Variants in BLNK observed in about 807,000 individuals in gnomAD.
BLNK encodes the protein B cell linker.
A neutral mutation model predicts 73.5 loss-of-function variants in BLNK; 29 were observed. That is an observed-to-expected ratio of 0.39 (90% CI 0.29 to 0.54). BLNK has a LOEUF of 0.54. Ranked by LOEUF, BLNK falls within the 20% of genes least tolerant of loss-of-function variation. The pLI is 0.61. For missense variants in BLNK, 460 were observed against 562.8 expected, an observed-to-expected ratio of 0.82 and a Z score of 1.85; for synonymous variants, 176 against 200.8, an observed-to-expected ratio of 0.88 and a Z score of 1.04.
At chr10:96,255,228 C>T (rs1316962634) in intron 1 of BLNK, among the ~76,000 whole-genome samples, 1 of 152,192 alleles carries the variant, frequency 6.6e-6, no homozygotes, top group Admixed American at 6.5e-5. Flanking sequence ...ACAGCGAGCT[C>T]TTCCAGGGCC....
chr10:96,233,439 A>G (rs4918994), intron 3 of BLNK, among the ~76,000 whole-genome samples: 30,643 of 152,000 alleles, frequency 0.2, 3,973 homozygotes, highest in Middle Eastern at 0.29. Flanking sequence ...GTCATCAGTG[A>G]CTCCCTATGG....
rs782515286 is a variant in BLNK, at chr10:96,191,958, CT to C, written c.*14del. On this transcript the variant is annotated 3_prime_UTR_variant, in exon 17 of 17. Transcript: ENST00000224337. ...AAGTGTCTGAAGCAATGGTATTGAT[CT>C]TTTTTTTCCCCCTTTATGAAACTTT... 1.4e-4 allele frequency: 227 copies of C among 1,612,668 alleles called. 1 individual carries two copies. In the Middle Eastern group the frequency reaches 1.5e-3, roughly 11 times the overall value.
chr10:96,245,436 TTTATTAAAGTA>T (rs1843008355), intron 2 of BLNK, among the ~76,000 whole-genome samples: 1 of 152,214 alleles, frequency 6.6e-6, no homozygotes, highest in Non-Finnish European at 1.5e-5. Context: ...GCAATGAACA[TTTATTAAAGTA>T]TTATTCATGA....
At chr10:96,216,873 T>TACATA in intron 6 of BLNK, 139 bp from the exon 7 acceptor site, 1 of 774,916 alleles carries the variant, frequency 1.3e-6, no homozygotes, top group Non-Finnish European at 2.2e-6. Context: ...TTGTACAATT[T>TACATA]GGTGACTTTT....
rs2083295548 is a variant in BLNK, at chr10:96,189,441, A to G, written c.*2532T>C. 1.6e-6 allele frequency: 1 copy of G among 612,862 alleles called. No individual in the cohort carries two copies. The highest frequency in any genetic ancestry group is 1.8e-5 in the African/African-American group (1 of 55,184). 38.0% of individuals were successfully genotyped at this position (612,862 alleles called of 1,614,324 possible). ...GAAGCAATTCTTCACATAATTGATG[A>G]ACTTGGCTTCCACTTTGGGAAGAGA... On this transcript the variant is annotated 3_prime_UTR_variant, in exon 17 of 17. Coordinates refer to ENST00000224337, the MANE Select transcript of BLNK (RefSeq NM_013314.4).
intron 6 of BLNK, among the ~76,000 whole-genome samples, chr10:96,221,023 A>T (rs2084185675): frequency 6.6e-6 from 1 of 152,228 alleles, no homozygotes; most frequent in Admixed American, 6.5e-5. Context: ...ATTACCACTC[A>T]TATAAGCATT....
chr10:96,220,556 A>G (rs587606883), intron 6 of BLNK, among the ~76,000 whole-genome samples: 1 of 152,332 alleles, frequency 6.6e-6, no homozygotes, highest in South Asian at 2.1e-4. Flanking sequence ...ATGACCAAGA[A>G]CCATCACATT....
At chr10:96,263,798 TG>T (rs1843868509) in intron 1 of BLNK, among the ~76,000 whole-genome samples, 2 of 152,098 alleles carry the variant, frequency 1.3e-5, no homozygotes, top group South Asian at 4.1e-4. Context: ...TAACACACAG[TG>T]AAGAGGAGCA....
chr10:96,231,549 A>G (rs1842499910), intron 3 of BLNK, among the ~76,000 whole-genome samples: 1 of 152,038 alleles, frequency 6.6e-6, no homozygotes, highest in African/African-American at 2.4e-5. Flanking sequence ...CAACATGGCA[A>G]GGCCCCATCT....
At chr10:96,216,556 G>C in intron 7 of BLNK, 97 bp downstream of exon 7, 1 of 1,082,742 alleles carries the variant, frequency 9.2e-7, no homozygotes, top group Non-Finnish European at 1.4e-6. Flanking sequence ...CCTGGGCACT[G>C]TCATTTCTGA....
At chr10:96,204,270 T>A (rs1554896891) in intron 12 of BLNK, 182 bp from the exon 13 acceptor site, 1 of 770,182 alleles carries the variant, frequency 1.3e-6, no homozygotes, top group African/African-American at 1.8e-5. Flanking sequence ...GACTCTTCCT[T>A]TTAGTTTTGA....
intron 4 of BLNK, among the ~76,000 whole-genome samples, chr10:96,228,132 C>CT (rs1842352095): frequency 6.9e-6 from 1 of 144,706 alleles, no homozygotes; most frequent in Non-Finnish European, 1.5e-5. Context: ...TGGAGTCTCA[C>CT]TCTGTTGCCC....
chr10:96,216,552 C>G, intron 7 of BLNK, 101 bp downstream of exon 7: 1 of 1,014,760 alleles, frequency 9.9e-7, no homozygotes, highest in Non-Finnish European at 1.5e-6. Flanking sequence ...AAGTCCTGGG[C>G]ACTGTCATTT....
rs1290549533 is a variant in BLNK, at chr10:96,197,069, TA to T, written c.1096-7del. ...CGAATAAGAAATGATCCATCCTGTT[TA>T]ATTTTTTTTAAAAAACATAATTATG... On this transcript the variant is annotated splice_region_variant and splice_polypyrimidine_tract_variant and intron_variant, in intron 15 of 16. Transcript: ENST00000224337. 4 of 1,607,486 alleles carry T rather than the reference TA, an allele frequency of 2.5e-6. No individual in the cohort carries two copies. Among genetic ancestry groups the T allele is most frequent in the Non-Finnish European group, 2.5e-6 (3 of 1,177,078 alleles).
rs587618992 is a variant in BLNK at position 96,194,607 on chromosome 10, G to T, written c.1251+2301C>A. ...TTGCAAATCATTTATCTGATAAGGGGTTAATATCCAGAAACATAAAGAACT... is the reference window on the plus strand; with the variant it reads ...TTGCAAATCATTTATCTGATAAGGGTTTAATATCCAGAAACATAAAGAACT... On this transcript the variant is annotated intron_variant, in intron 16 of 16. Transcript: ENST00000224337. Among the ~76,000 whole-genome samples, 17 of 152,158 alleles carry T rather than the reference G, an allele frequency of 1.1e-4. No individual in the cohort carries two copies. The East Asian group carries it at 2.7e-3, about 24-fold the overall frequency.
Position 96,200,477 on chromosome 10 carries a change from T to C in BLNK, c.1012-319A>G, listed in dbSNP as rs922869581. Among the ~76,000 whole-genome samples the C allele has an allele frequency of 5.3e-5, 8 of 152,368 alleles. No homozygotes were observed. Among genetic ancestry groups the C allele is most frequent in the African/African-American group, 1.9e-4 (8 of 41,588 alleles). ...AGTGCTTTACAATTTCCAAAGCATT[T>C]TTACAAATATTATTTTATTTGATTC... On this transcript the variant is annotated intron_variant, in intron 14 of 16. Transcript: ENST00000224337. The surrounding 1 kb of genome is among the most constrained non-coding windows in gnomAD (Gnocchi z 4.3).
At chr10:96,218,262 G>A (rs2084113942) in intron 6 of BLNK, among the ~76,000 whole-genome samples, 1 of 152,150 alleles carries the variant, frequency 6.6e-6, no homozygotes, top group South Asian at 2.1e-4. Flanking sequence ...GTTCTTCTAA[G>A]TACTTTACAT....
Position 96,190,009 on chromosome 10 carries a change from G to A in BLNK, c.*1964C>T. ...TCAAAGGTGCCAGTGTTATTTAATTGGACTGCCTTCATAATTCATTGCCTC... is the reference window on the plus strand; with the variant it reads ...TCAAAGGTGCCAGTGTTATTTAATTAGACTGCCTTCATAATTCATTGCCTC... On this transcript the variant is annotated 3_prime_UTR_variant, in exon 17 of 17. Coordinates refer to ENST00000224337, the MANE Select transcript of BLNK (RefSeq NM_013314.4). 1 of 810,356 alleles carries A rather than the reference G, an allele frequency of 1.2e-6. No homozygotes were observed. The highest frequency in any genetic ancestry group is 2.2e-6 in the Non-Finnish European group (1 of 461,830). The allele number at this position is 810,356 out of a possible 1,614,324, so 50.2% of individuals were successfully genotyped here.
chr10:96,216,410 T>C, intron 7 of BLNK: 1 of 551,312 alleles, frequency 1.8e-6, no homozygotes. Flanking sequence ...GCTTTCATAA[T>C]GTGAGATGGG....
Sources: gnomAD v4.1 joint callset for allele counts (sites outside exome capture counted in the v4.1 genomes callset) on GRCh38, gnomAD v4.1.1 for gene constraint, Gnocchi (gnomAD v3.1) non-coding constraint, MANE v1.5 for transcripts, NCBI Gene and HGNC (gene_info 2026-07-23, HGNC 2026-07-21) for gene names.